PHACTR2: variants seen among roughly 807,000 people sequenced by gnomAD.
The protein encoded by PHACTR2 is phosphatase and actin regulator 2.
In PHACTR2, 30 loss-of-function variants were observed where a neutral mutation model predicts 76.0. The observed-to-expected ratio is 0.39, with a 90% CI of 0.30 to 0.54. The LOEUF is 0.54. PHACTR2 is among the 20% of genes least tolerant of loss of function. The pLI is 0.61. For synonymous variants in PHACTR2, 292 were observed against 292.5 expected, an observed-to-expected ratio of 1.00 and a Z score of 0.02; for missense variants, 696 against 781.1, an observed-to-expected ratio of 0.89 and a Z score of 1.30.
rs372400313 is a variant in PHACTR2, at chr6:143,626,424, G to C, written c.13+18102G>C. ...CGGTGGTGGGCGCCTTTAGTCCCAGGTACTCCGGAGGCTGAGGCAGGAGAA... is the reference window on the plus strand; with the variant it reads ...CGGTGGTGGGCGCCTTTAGTCCCAGCTACTCCGGAGGCTGAGGCAGGAGAA... On this transcript the variant is annotated intron_variant, in intron 1 of 11. Transcript: ENST00000305766. Among the ~76,000 whole-genome samples, 1,369 of 151,668 alleles carry C rather than the reference G, an allele frequency of 9.0e-3. 24 individuals carry two copies. The highest frequency in any genetic ancestry group is 0.031 in the African/African-American group (1,290 of 41,296).
In PHACTR2 at chr6:143,659,038, A is replaced by G. The variant is rs1776901702; in HGVS notation, c.13+50716A>G. Among the ~76,000 whole-genome samples the G allele has an allele frequency of 6.8e-6, 1 of 147,364 alleles. No individual in the cohort carries two copies. The stretch of plus-strand genomic sequence containing the variant: ...GATTCTGTCTCAAAAAAAAAAAAAA[A>G]GATAAAAAATGGCACACTTCTATAG... On this transcript the variant is annotated intron_variant, in intron 1 of 11. Transcript: ENST00000305766. The surrounding 1 kb of genome is among the most constrained non-coding windows in gnomAD (Gnocchi z 5.0).
chr6:143,776,709 T>G lies in PHACTR2; in HGVS notation c.1590-619T>G, dbSNP rs1316598894. On this transcript the variant is annotated intron_variant, in intron 8 of 12. Transcript: ENST00000440869. The surrounding 1 kb of genome is among the most constrained non-coding windows in gnomAD (Gnocchi z 5.3). The stretch of plus-strand genomic sequence containing the variant: ...ATAGTCTAATTAATATATAGCTCAT[T>G]AGGGTCTAAAATAGGATGCTGTGCC... Among the ~76,000 whole-genome samples the G allele has an allele frequency of 6.6e-6, 1 of 152,184 alleles. No individual in the cohort carries two copies. Among genetic ancestry groups the G allele is most frequent in the Non-Finnish European group, 1.5e-5 (1 of 68,034 alleles).
Position 143,788,880 on chromosome 6 carries a change from G to A in PHACTR2, c.1815G>A (p.Lys605=). ...DSPDYDRRAD[K]PWARLTPADK... The stretch of plus-strand genomic sequence containing the variant: ...CTGACTATGACCGCCGAGCAGACAA[G>A]CCCTGGGCCAGGTTAACACCTGCAG... The change falls in exon 11 of 13, where the codon AAG becomes AAA. Residue 605 remains lysine (K), a synonymous_variant. Coordinates refer to ENST00000440869, the MANE Select transcript of PHACTR2 (RefSeq NM_001100164.2). The A allele has an allele frequency of 1.9e-6, 3 of 1,613,098 alleles. No homozygotes were observed. Among genetic ancestry groups the A allele is most frequent in the Non-Finnish European group, 1.7e-6 (2 of 1,179,212 alleles).
chr6:143,780,120 A>G lies in PHACTR2; in HGVS notation c.1645+2737A>G, dbSNP rs1231815415. Among the ~76,000 whole-genome samples the G allele has an allele frequency of 5.3e-5, 8 of 152,106 alleles. No homozygotes were observed. In the East Asian group the frequency reaches 1.3e-3, roughly 26 times the overall value. ...AATGAATTAGGCCATTGAGTTCTGC[A>G]TATATTTTTCCCCAACATTTTATTA... On this transcript the variant is annotated intron_variant, in intron 9 of 12. Transcript: ENST00000440869. This position sits in a 1 kb window ranked among gnomAD's most constrained non-coding sequence, Gnocchi z 4.4.
chr6:143,681,298 G>C (rs559052081), intron 1 of PHACTR2, among the ~76,000 whole-genome samples: 1 of 152,172 alleles, frequency 6.6e-6, no homozygotes, highest in South Asian at 2.1e-4. Flanking sequence ...AGCCATCTTA[G>C]TAGGTGTGAA....
chr6:143,587,422 G>A (rs1039341051), intron 1 of PHACTR2, among the ~76,000 whole-genome samples: 5 of 152,088 alleles, frequency 3.3e-5, no homozygotes, highest in African/African-American at 1.2e-4. Context: ...ATAGAATAAT[G>A]TCTTTTATTT....
intron 2 of PHACTR2, among the ~76,000 whole-genome samples, chr6:143,744,525 G>A (rs1779012042): frequency 6.6e-6 from 1 of 152,184 alleles, no homozygotes; most frequent in Non-Finnish European, 1.5e-5. Flanking sequence ...TACATCAGGA[G>A]TTCAGGGAAG....
intron 1 of PHACTR2, among the ~76,000 whole-genome samples, chr6:143,564,183 ATG>A (rs1422717241): frequency 2.2e-4 from 6 of 27,864 alleles, no homozygotes; most frequent in East Asian, 2.1e-3. Flanking sequence ...GTGTGTGTGT[ATG>A]TGTGTGTGTG....
chr6:143,617,593 CTCTCTCTT>C lies in PHACTR2; in HGVS notation c.13+9281_13+9288del, dbSNP rs1453551846. Among the ~76,000 whole-genome samples the C allele has an allele frequency of 5.3e-5, 8 of 152,318 alleles. No homozygotes were observed. The highest frequency in any genetic ancestry group is 1.9e-4 in the African/African-American group (8 of 41,566). On this transcript the variant is annotated intron_variant, in intron 1 of 11. Transcript: ENST00000305766. This position sits in a 1 kb window ranked among gnomAD's most constrained non-coding sequence, Gnocchi z 4.8. ...GAGGGTGACAACCACTGTTAGAGTC[CTCTCTCTT>C]TCTCTCTTTTCTTTCCCCTTTCTCT... is the stretch of plus-strand genomic sequence containing the variant.
chr6:143,753,059 GT>G lies in PHACTR2; in HGVS notation c.296-685del, dbSNP rs919910543. Among the ~76,000 whole-genome samples, 24 of 146,818 alleles carry G rather than the reference GT, an allele frequency of 1.6e-4. No homozygotes were observed. In the East Asian group the frequency reaches 4.0e-3, roughly 24 times the overall value. On this transcript the variant is annotated intron_variant, in intron 3 of 12. Transcript: ENST00000440869. The surrounding 1 kb of genome is among the most constrained non-coding windows in gnomAD (Gnocchi z 4.6). ...CCTTTGTGATTACTTTTTTATGTGT[GT>G]TTTTTTTTTCTCGAATGTTTTCAAA...
At chr6:143,798,556 A>G (rs1427110612) in intron 11 of PHACTR2, among the ~76,000 whole-genome samples, 1 of 152,140 alleles carries the variant, frequency 6.6e-6, no homozygotes, top group Non-Finnish European at 1.5e-5. Context: ...AGCTCTTATT[A>G]TTTTGAGATA....
At position 143,621,167 on chromosome 6, in the gene PHACTR2, G is replaced by A. The variant is rs141824934; in HGVS notation, c.13+12845G>A. ...GAAATCCAGTTTCAGAGAAGGGATT[G>A]GAGGATTGGGTAGGGAATGTGGACA... On this transcript the variant is annotated intron_variant, in intron 1 of 11. Coordinates refer to the PHACTR2 transcript ENST00000305766. This position sits in a 1 kb window ranked among gnomAD's most constrained non-coding sequence, Gnocchi z 4.1. Among the ~76,000 whole-genome samples the A allele has an allele frequency of 4.4e-4, 67 of 152,310 alleles. No individual in the cohort carries two copies. Among genetic ancestry groups the A allele is most frequent in the African/African-American group, 1.5e-3 (61 of 41,568 alleles).
intron 1 of PHACTR2, among the ~76,000 whole-genome samples, chr6:143,640,277 A>G (rs2128443844): frequency 6.6e-6 from 1 of 152,330 alleles, no homozygotes; most frequent in Middle Eastern, 3.4e-3. Context: ...TACTGCTTCT[A>G]CTTACTGTTT....
chr6:143,824,972 T>C lies in PHACTR2; in HGVS notation c.*1283T>C, dbSNP rs1347802572. ...AGGTTAAAGTAGTGGAAGTTTTCCC[T>C]ATGAGCCTACAGTCTGTATTGTTTA... On this transcript the variant is annotated 3_prime_UTR_variant, in exon 13 of 13. Coordinates refer to ENST00000440869, the MANE Select transcript of PHACTR2 (RefSeq NM_001100164.2). This position sits in a 1 kb window ranked among gnomAD's most constrained non-coding sequence, Gnocchi z 6.3. 6.6e-6 allele frequency: 1 copy of C among 152,634 alleles called. No homozygotes were observed. The allele number at this position is 152,634 out of a possible 1,614,324, so 9.5% of individuals were successfully genotyped here.
intron 11 of PHACTR2, among the ~76,000 whole-genome samples, chr6:143,797,686 G>GT (rs1331278104): frequency 6.6e-6 from 1 of 152,176 alleles, no homozygotes. Context: ...CCCATCGCTT[G>GT]TATGTGTCAG....
At chr6:143,702,065 G>C (rs1378980050) in intron 1 of PHACTR2, among the ~76,000 whole-genome samples, 1 of 151,206 alleles carries the variant, frequency 6.6e-6, no homozygotes, top group Admixed American at 6.6e-5. Flanking sequence ...CAGTTGGGTG[G>C]TCAAAACCCA....
rs1352697941 is a variant in PHACTR2, at chr6:143,597,182, A to G, written c.217+59975A>G. The stretch of plus-strand genomic sequence containing the variant: ...AAACCCATTGTAGGGAGGGACAGGA[A>G]TGACTTCCAGGAAGATAGTTGCTCA... On this transcript the variant is annotated intron_variant, in intron 1 of 11. Coordinates refer to the PHACTR2 transcript ENST00000367584. This position sits in a 1 kb window ranked among gnomAD's most constrained non-coding sequence, Gnocchi z 5.7. Among the ~76,000 whole-genome samples the G allele has an allele frequency of 1.3e-5, 2 of 152,216 alleles. No homozygotes were observed. The highest frequency in any genetic ancestry group is 2.9e-5 in the Non-Finnish European group (2 of 68,032).
intron 11 of PHACTR2, among the ~76,000 whole-genome samples, chr6:143,804,714 C>A (rs1291457318): frequency 1.4e-4 from 22 of 152,208 alleles, no homozygotes; most frequent in Non-Finnish European, 2.9e-5. Flanking sequence ...TTTTGCCATA[C>A]TCTTAGATCA....
In PHACTR2 at chr6:143,654,977, G is replaced by A. The variant is rs1234938028; in HGVS notation, c.13+46655G>A. 6.6e-6 allele frequency among the ~76,000 whole-genome samples: 1 copy of A among 152,018 alleles called. No individual in the cohort carries two copies. Among genetic ancestry groups the A allele is most frequent in the Non-Finnish European group, 1.5e-5 (1 of 67,992 alleles). The stretch of plus-strand genomic sequence containing the variant: ...GTTCAAGACCAGCCTGGCCAACATG[G>A]AGAAACCCCATCTCTACTAAAAATA... On this transcript the variant is annotated intron_variant, in intron 1 of 11. Transcript: ENST00000305766. This position sits in a 1 kb window ranked among gnomAD's most constrained non-coding sequence, Gnocchi z 4.6.
Sources: allele counts gnomAD v4.1 joint callset (sites outside exome capture counted in the v4.1 genomes callset), GRCh38; gene constraint gnomAD v4.1.1; non-coding constraint Gnocchi (gnomAD v3.1); transcripts MANE v1.5; gene names NCBI Gene and HGNC (gene_info 2026-07-23, HGNC 2026-07-21).